The following P4HA3 variants were observed in gnomAD, a reference collection of about 807,000 sequenced individuals.
P4HA3 encodes the protein prolyl 4-hydroxylase subunit alpha 3, also known as prolyl 4-hydroxylase subunit alpha-3.
P4HA3 carries 60 observed loss-of-function variants against 66.7 expected under a neutral mutation model. The ratio of observed to expected loss-of-function variants is 0.90; its 90% CI spans 0.73 to 1.12. The LOEUF (loss-of-function observed/expected upper bound fraction) is 1.12, where lower values mean the gene tolerates loss of function less well. Ranked by LOEUF, P4HA3 falls within the 50% of genes most tolerant of loss-of-function variation. The probability of loss-of-function intolerance (pLI) is 0.00; values close to 1 mark genes in which losing one functional copy is unlikely to be tolerated. For synonymous variants in P4HA3, 263 were observed against 274.6 expected (o/e 0.96, Z 0.42); for missense variants, 683 against 685.8 (o/e 1.00, Z 0.05).
chr11:74,271,434 A>G (rs1020697848), intron 10 of P4HA3, among the ~76,000 whole-genome samples: 4 of 152,214 alleles, frequency 2.6e-5, no homozygotes, highest in Admixed American at 2.0e-4. Flanking sequence ...TCTGCATGCA[A>G]TGAAGCTCAT....
At chr11:74,282,164 C>T (rs1007718309) in intron 7 of P4HA3, among the ~76,000 whole-genome samples, 1 of 150,962 alleles carries the variant, frequency 6.6e-6, no homozygotes, top group African/African-American at 2.4e-5. Context: ...CCTAAGGAAT[C>T]CCCCCCATCC....
chr11:74,261,804 A>G (rs555526691), downstream of P4HA3, among the ~76,000 whole-genome samples: 60 of 152,196 alleles, frequency 3.9e-4, no homozygotes, highest in Non-Finnish European at 7.2e-4. Flanking sequence ...CCACACATGC[A>G]GTCTGTGCTC....
chr11:74,272,794 A>T (rs1389009597), intron 10 of P4HA3, among the ~76,000 whole-genome samples: 1 of 152,214 alleles, frequency 6.6e-6, no homozygotes, highest in African/African-American at 2.4e-5. Flanking sequence ...CCTTCAGTTA[A>T]CAGTAAGGTA....
intron 3 of P4HA3, among the ~76,000 whole-genome samples, chr11:74,299,200 G>A (rs895065587): frequency 6.6e-6 from 1 of 152,268 alleles, no homozygotes; most frequent in South Asian, 2.1e-4. Flanking sequence ...ATGGCAACAC[G>A]TACCAGACAC....
Position 74,269,672 on chromosome 11 carries a change from G to T in P4HA3, c.1447C>A (p.Leu483Ile). 6.2e-7 allele frequency: 1 copy of T among 1,613,912 alleles called. No homozygotes were observed. The highest frequency in any genetic ancestry group is 1.3e-5 in the African/African-American group (1 of 75,044). The change falls in exon 11 of 13, where the codon CTC (leucine) becomes ATC (isoleucine). Residue 483 changes from leucine (L) to isoleucine (I), a missense_variant. Physicochemically the swap from Leu to Ile is conservative, Grantham distance 5. Coordinates refer to ENST00000331597, the MANE Select transcript of P4HA3 (RefSeq NM_182904.5). ...CTCACCCTAACCACAGGCACGCTGA[G>T]GTTGGCATAGATGAAGGCTGTGGCT... ...GGATAFIYAN[L>I]SVPVVRNAAL...
rs145677965 is a variant in P4HA3, at chr11:74,279,430, G to A, written c.1133C>T (p.Ser378Leu). Residue 378 changes from serine (S) to leucine (L), a missense_variant, in exon 8 of 13, where the codon TCA becomes TTA. Transcript: ENST00000331597. The part of the protein sequence containing the change: ...EPWLQRSVVA[S>L]GEKQLQVEYR... Reference sequence around the variant, plus strand: ...CTCCACTTGTAACTGCTTCTCCCCTGATGCCACCACTGACCTCTGTAGCTG... The same window carrying A: ...CTCCACTTGTAACTGCTTCTCCCCTAATGCCACCACTGACCTCTGTAGCTG... 453 of 1,613,934 alleles carry A rather than the reference G, an allele frequency of 2.8e-4. No homozygotes were observed. The African/African-American group carries it at 5.5e-3, about 20-fold the overall frequency.
chr11:74,294,262 G>T (rs958208616), intron 4 of P4HA3, among the ~76,000 whole-genome samples: 4 of 152,006 alleles, frequency 2.6e-5, no homozygotes, highest in Non-Finnish European at 4.4e-5. Flanking sequence ...TTCTGCATTC[G>T]TCACGTAGCT....
intron 10 of P4HA3, among the ~76,000 whole-genome samples, chr11:74,271,404 C>T (rs4121668): frequency 0.29 from 44,799 of 152,090 alleles, 8,618 homozygotes; most frequent in African/African-American, 0.54. Flanking sequence ...ATAGCCAACA[C>T]ATTAAAAAGA....
intron 11 of P4HA3, 75 bp from the exon 12 acceptor site, chr11:74,268,316 A>G: frequency 1.7e-6 from 2 of 1,194,642 alleles, no homozygotes; most frequent in Admixed American, 3.5e-5. Flanking sequence ...ACTAAGGACA[A>G]ATGCAGGCAT....
intron 3 of P4HA3, among the ~76,000 whole-genome samples, chr11:74,300,694 T>G (rs1233688269): frequency 6.6e-6 from 1 of 152,088 alleles, no homozygotes; most frequent in African/African-American, 2.4e-5. Context: ...ATCGGGGAAG[T>G]GTAGATGAAA....
intron 15 of P4HA3, chr11:74,250,799 T>C: frequency 1.6e-6 from 1 of 628,572 alleles, no homozygotes; most frequent in Non-Finnish European, 2.8e-6. Flanking sequence ...TTACTTGTAT[T>C]ACCATCCTCA....
In P4HA3 at chr11:74,276,908, C is replaced by G. The variant is rs530052527; in HGVS notation, c.1335+77G>C. On this transcript the variant is annotated intron_variant, in intron 9 of 12. Coordinates refer to ENST00000331597, the MANE Select transcript of P4HA3 (RefSeq NM_182904.5). Reference sequence around the variant, plus strand: ...TCACTTAGTATTCCCTGAGAGCCTACAAGAGCTCTGCCTCAGAGAAATAAA... The same window carrying G: ...TCACTTAGTATTCCCTGAGAGCCTAGAAGAGCTCTGCCTCAGAGAAATAAA... 80 of 1,414,314 alleles carry G rather than the reference C, an allele frequency of 5.7e-5. No homozygotes were observed. In the South Asian group the frequency reaches 1.1e-3, roughly 19 times the overall value. 87.6% of individuals were successfully genotyped at this position (1,414,314 alleles called of 1,614,324 possible). A position where few individuals can be genotyped will look rare whatever the true frequency, so the allele number is the denominator to read the frequency against.
At chr11:74,273,480 G>A (rs1237878428) in intron 10 of P4HA3, 65 bp downstream of exon 10, 2 of 1,319,144 alleles carry the variant, frequency 1.5e-6, no homozygotes, top group Non-Finnish European at 2.0e-6. Context: ...AAATTGCTTT[G>A]AAAACAATAA....
Position 74,304,295 on chromosome 11 carries a change from A to T in P4HA3, c.318T>A (p.Ser106Arg), listed in dbSNP as rs768493357. ...CTCGGATGTTCTCACTGGCCTCCAGACTATGTACCACATTCCTCCAGTCAG... is the reference window on the plus strand; with the variant it reads ...CTCGGATGTTCTCACTGGCCTCCAGTCTATGTACCACATTCCTCCAGTCAG... ...LQSDWRNVVH[S>R]LEASENIRAL... Residue 106 changes from serine to arginine, a missense_variant, in exon 2 of 13, where the codon AGT becomes AGA. Transcript: ENST00000331597. 5.6e-6 allele frequency: 9 copies of T among 1,613,808 alleles called. No individual in the cohort carries two copies. The highest frequency in any genetic ancestry group is 5.9e-6 in the Non-Finnish European group (7 of 1,179,920).
At chr11:74,297,483 T>C (rs1050280147) in intron 4 of P4HA3, among the ~76,000 whole-genome samples, 9 of 152,332 alleles carry the variant, frequency 5.9e-5, no homozygotes, top group South Asian at 2.1e-4. Flanking sequence ...ATGGAGATTT[T>C]TGCAGCCTAC....
intron 15 of P4HA3, chr11:74,253,519 T>G (rs1318862123): frequency 6.2e-7 from 1 of 1,605,390 alleles, no homozygotes; most frequent in East Asian, 2.2e-5. Flanking sequence ...AGTGACCTGC[T>G]GTCCACCCCT....
rs148038069 is a variant in P4HA3 at position 74,267,315 on chromosome 11, G to A, written c.1568C>T (p.Ala523Val). 9.7e-5 allele frequency: 157 copies of A among 1,613,928 alleles called. No individual in the cohort carries two copies. The highest frequency in any genetic ancestry group is 1.3e-4 in the Non-Finnish European group (156 of 1,179,980). The change falls in exon 13 of 13, where the codon GCC becomes GTC. Residue 523 changes from alanine (A) to valine (V), a missense_variant. Coordinates refer to ENST00000331597, the MANE Select transcript of P4HA3 (RefSeq NM_182904.5). ...CPVLVGDKWV[A>V]NKWIHEYGQE... ...TCCATACTCATGTATCCACTTGTTG[G>A]CCACTGGGAGAGAACAGGGAAGAAG...
rs775922521 is a variant in P4HA3 at position 74,304,427 on chromosome 11, T to A, written c.201-15A>T. 12 of 1,613,462 alleles carry A rather than the reference T, an allele frequency of 7.4e-6. No individual in the cohort carries two copies. The highest frequency in any genetic ancestry group is 1.1e-5 in the South Asian group (1 of 91,030). ...TGTCGTAGAATCTGAAAGAAAGGAG[T>A]AGAATGATCTCACCTCCTGATACAA... On this transcript the variant is annotated splice_polypyrimidine_tract_variant and intron_variant, in intron 1 of 12. Coordinates refer to ENST00000331597, the MANE Select transcript of P4HA3 (RefSeq NM_182904.5).
chr11:74,306,116 C>T (rs145462708), intron 1 of P4HA3, among the ~76,000 whole-genome samples: 5 of 152,090 alleles, frequency 3.3e-5, no homozygotes, highest in Non-Finnish European at 5.9e-5. Flanking sequence ...CTCTGAACCA[C>T]GACAGCGATG....
Sources: gnomAD v4.1 joint callset for allele counts (sites outside exome capture counted in the v4.1 genomes callset) on GRCh38, gnomAD v4.1.1 for gene constraint, MANE v1.5 for transcripts, NCBI Gene and HGNC (gene_info 2026-07-23, HGNC 2026-07-21) for gene names.